RANBP10: variants seen among roughly 807,000 people sequenced by gnomAD.
RANBP10 encodes RAN binding protein 10.
RANBP10 carries 24 observed loss-of-function variants against 72.8 expected under a neutral mutation model. The ratio of observed to expected loss-of-function variants is 0.33; its 90% CI spans 0.24 to 0.46. The LOEUF (loss-of-function observed/expected upper bound fraction) is 0.46, where lower values mean the gene tolerates loss of function less well. Ranked by LOEUF, RANBP10 falls within the 20% of genes least tolerant of loss-of-function variation. The probability of loss-of-function intolerance (pLI) is 1.00; values close to 1 mark genes in which losing one functional copy is unlikely to be tolerated. For missense variants in RANBP10, 679 were observed against 817.5 expected (o/e 0.83, Z 2.07); for synonymous variants, 310 against 322.3 (o/e 0.96, Z 0.41).
intron 2 of RANBP10, among the ~76,000 whole-genome samples, chr16:67,794,947 A>C (rs1201625874): frequency 1.7e-5 from 2 of 119,446 alleles, no homozygotes; most frequent in Admixed American, 8.1e-5. Flanking sequence ...AAAAAAAAAC[A>C]AAAAAAAAAA....
intron 2 of RANBP10, among the ~76,000 whole-genome samples, chr16:67,796,961 C>T (rs1213847372): frequency 6.6e-6 from 1 of 152,182 alleles, no homozygotes; most frequent in African/African-American, 2.4e-5. Context: ...AATTATCCAT[C>T]CCTCTTCCAC....
chr16:67,779,400 G>GAA lies in RANBP10; in HGVS notation c.348-7316_348-7315dup, dbSNP rs1055918400. Among the ~76,000 whole-genome samples the GAA allele has an allele frequency of 1.1e-4, 11 of 95,742 alleles. No individual in the cohort carries two copies. In the East Asian group the frequency reaches 2.2e-3, roughly 19 times the overall value. 62.8% of individuals were successfully genotyped at this position (95,742 alleles called of 152,430 possible). On this transcript the variant is annotated intron_variant, in intron 2 of 13. Transcript: ENST00000317506. The stretch of plus-strand genomic sequence containing the variant: ...TGACAGAGCCAGACCTTGTCTCAAA[G>GAA]AAAAAAAAAAAAAAACACAGCGAGA...
At chr16:67,788,126 T>C (rs2054950111) in intron 2 of RANBP10, among the ~76,000 whole-genome samples, 1 of 149,950 alleles carries the variant, frequency 6.7e-6, no homozygotes, top group South Asian at 2.1e-4. Context: ...CGTGAGCCTG[T>C]AGTCCTGAGC....
intron 2 of RANBP10, among the ~76,000 whole-genome samples, chr16:67,778,826 C>CT (rs2054759043): frequency 6.6e-6 from 1 of 152,292 alleles, no homozygotes; most frequent in African/African-American, 2.4e-5. Context: ...GGCACAGTGG[C>CT]TCATGCCTAT....
intron 3 of RANBP10, among the ~76,000 whole-genome samples, chr16:67,750,582 C>T (rs2054174736): frequency 6.6e-6 from 1 of 152,146 alleles, no homozygotes; most frequent in African/African-American, 2.4e-5. Flanking sequence ...AGGAGTCTGA[C>T]AAGTGGTACA....
intron 2 of RANBP10, among the ~76,000 whole-genome samples, chr16:67,781,636 A>T (rs2054812580): frequency 6.6e-6 from 1 of 152,182 alleles, no homozygotes; most frequent in South Asian, 2.1e-4. Flanking sequence ...GTGAGACAGG[A>T]AGCACAGAGA....
chr16:67,742,730 G>C (rs960211659), intron 4 of RANBP10, among the ~76,000 whole-genome samples: 2 of 152,240 alleles, frequency 1.3e-5, no homozygotes. Flanking sequence ...AGGGATGTGA[G>C]GAAGGCAGCT....
chr16:67,729,328 T>C lies in RANBP10; in HGVS notation c.1304A>G (p.Asp435Gly), dbSNP rs756625027. The change falls in exon 10 of 14, where the codon GAC becomes GGC. Residue 435 changes from aspartate to glycine, a missense_variant. Coordinates refer to ENST00000317506, the MANE Select transcript of RANBP10 (RefSeq NM_020850.3). The surrounding 1 kb of genome is among the most constrained non-coding windows in gnomAD (Gnocchi z 7.1). Reference sequence around the variant, plus strand: ...GCTGTGGTGCTGGGACTTGGTGGAGTCTGTTGAGTTGGACTCGGAGTAATT... The same window carrying C: ...GCTGTGGTGCTGGGACTTGGTGGAGCCTGTTGAGTTGGACTCGGAGTAATT... The part of the protein sequence containing the change: ...SVNYSESNST[D>G]STKSQHHSST... The C allele has an allele frequency of 7.4e-6, 12 of 1,611,916 alleles. No homozygotes were observed. The highest frequency in any genetic ancestry group is 4.2e-6 in the Non-Finnish European group (5 of 1,179,332).
At chr16:67,803,524 C>A (rs566312654) in intron 2 of RANBP10, among the ~76,000 whole-genome samples, 3 of 151,936 alleles carry the variant, frequency 2.0e-5, no homozygotes, top group East Asian at 3.9e-4. Context: ...GTGGCACATG[C>A]CTGTAAGCCC....
rs1215793279 is a variant in RANBP10, at chr16:67,730,033, C to T, written c.903G>A (p.Leu301=). 8 of 1,612,528 alleles carry T rather than the reference C, an allele frequency of 5.0e-6. No individual in the cohort carries two copies. Among genetic ancestry groups the T allele is most frequent in the Non-Finnish European group, 6.8e-6 (8 of 1,180,012 alleles). ...SIKNRQKIQK[L]VLEGRVGEAI... ...CCTCGCCCACACGGCCCTCCAGCAC[C>T]AGCTTCTGGATCTCTGCAGGGTGCA... The change falls in exon 8 of 14, where the codon CTG becomes CTA. Residue 301 remains leucine, a synonymous_variant. Transcript: ENST00000317506. This position sits in a 1 kb window ranked among gnomAD's most constrained non-coding sequence, Gnocchi z 4.3.
chr16:67,723,083 G>A lies in RANBP10; in HGVS notation c.*3345C>T, dbSNP rs2053555086. 1 of 152,356 alleles carries A rather than the reference G, an allele frequency of 6.6e-6. No homozygotes were observed. The allele number at this position is 152,356 out of a possible 1,614,324, so 9.4% of individuals were successfully genotyped here. A position where few individuals can be genotyped will look rare whatever the true frequency, so the allele number is the denominator to read the frequency against. The stretch of plus-strand genomic sequence containing the variant: ...GACACACATGACTGCTCATGGATGT[G>A]TATTTTAATAAAAATAATTCTGTCA... On this transcript the variant is annotated 3_prime_UTR_variant, in exon 14 of 14. Coordinates refer to ENST00000317506, the MANE Select transcript of RANBP10 (RefSeq NM_020850.3).
At chr16:67,788,378 G>A (rs961321758) in intron 2 of RANBP10, among the ~76,000 whole-genome samples, 5 of 151,390 alleles carry the variant, frequency 3.3e-5, no homozygotes, top group African/African-American at 9.8e-5. Context: ...TCAGCCTCTC[G>A]AGTAGCTGGG....
chr16:67,754,806 C>T (rs2054258651), intron 3 of RANBP10, among the ~76,000 whole-genome samples: 1 of 152,170 alleles, frequency 6.6e-6, no homozygotes, highest in African/African-American at 2.4e-5. Flanking sequence ...CGTGATAGGC[C>T]CTGGCCAGTC....
chr16:67,757,708 C>A (rs2054313804), intron 3 of RANBP10, among the ~76,000 whole-genome samples: 1 of 152,164 alleles, frequency 6.6e-6, no homozygotes, highest in Admixed American at 6.5e-5. Context: ...GATTTTTTTT[C>A]ATTCAGCAAA....
At chr16:67,804,711 T>A (rs1172936604) in intron 2 of RANBP10, among the ~76,000 whole-genome samples, 1 of 152,088 alleles carries the variant, frequency 6.6e-6, no homozygotes, top group East Asian at 1.9e-4. Context: ...GTATTTTTAG[T>A]AGAGACAGGG....
chr16:67,738,157 G>T, intron 4 of RANBP10, 122 bp from the exon 5 acceptor site: 1 of 1,153,302 alleles, frequency 8.7e-7, no homozygotes, highest in Non-Finnish European at 1.2e-6. Context: ...TTGTTGTTTT[G>T]AGACAGAGTC....
chr16:67,725,572 G>A lies in RANBP10; in HGVS notation c.*856C>T, dbSNP rs1163755697. 3.3e-5 allele frequency: 5 copies of A among 152,508 alleles called. No homozygotes were observed. Among genetic ancestry groups the A allele is most frequent in the African/African-American group, 1.2e-4 (5 of 41,450 alleles). 9.4% of individuals were successfully genotyped at this position (152,508 alleles called of 1,614,324 possible). On this transcript the variant is annotated 3_prime_UTR_variant, in exon 14 of 14. Transcript: ENST00000317506. ...GGGAGCAAGGCAGGCAGTGGGAGGT[G>A]GGGTAGAGTGGTAGATAGTGTGCTG...
At chr16:67,802,022 G>A (rs2055243234) in intron 2 of RANBP10, among the ~76,000 whole-genome samples, 1 of 151,428 alleles carries the variant, frequency 6.6e-6, no homozygotes, top group African/African-American at 2.4e-5. Context: ...CTGAGCCCAG[G>A]AAGTTGAGGT....
In RANBP10 at chr16:67,728,031, G is replaced by A. The variant is rs1019493355; in HGVS notation, c.1475-135C>T. The A allele has an allele frequency of 1.4e-5, 13 of 930,768 alleles. No individual in the cohort carries two copies. In the Admixed American group the frequency reaches 2.6e-4, roughly 18 times the overall value. 57.7% of individuals were successfully genotyped at this position (930,768 alleles called of 1,614,324 possible). On this transcript the variant is annotated intron_variant, in intron 11 of 13. Transcript: ENST00000317506. ...GGCAGGGCTGGGAGGAACAGGTGAG[G>A]CAGCTACAGTCAAGGCGTTCTTCTC...
Sources: gnomAD v4.1 joint callset for allele counts (sites outside exome capture counted in the v4.1 genomes callset) on GRCh38, gnomAD v4.1.1 for gene constraint, Gnocchi (gnomAD v3.1) non-coding constraint, MANE v1.5 for transcripts, NCBI Gene and HGNC (gene_info 2026-07-23, HGNC 2026-07-21) for gene names.